SLC5A11: variants seen among roughly 807,000 people sequenced by gnomAD.
SLC5A11 encodes sodium/myo-inositol cotransporter 2.
A neutral mutation model predicts 69.8 loss-of-function variants in SLC5A11; 48 were observed. That is an observed-to-expected ratio of 0.69 (90% confidence interval 0.55 to 0.87). SLC5A11 has a LOEUF of 0.87. SLC5A11 is among the 40% of genes least tolerant of loss of function. SLC5A11 has a pLI of 0.00. For synonymous variants in SLC5A11, 319 were observed against 342.4 expected (o/e 0.93, Z 0.75); for missense variants, 784 against 866.1 (o/e 0.91, Z 1.19).
intron 13 of SLC5A11, 128 bp from the exon 15 acceptor site, chr16:24,908,753 T>C: frequency 1.4e-6 from 1 of 727,774 alleles, no homozygotes; most frequent in Admixed American, 2.9e-5. Flanking sequence ...TTGCAGAACC[T>C]TTTCAAATTG....
At chr16:24,849,593 AATATATATAT>A (rs1555515955) in intron 1 of SLC5A11, among the ~76,000 whole-genome samples, 13 of 35,898 alleles carry the variant, frequency 3.6e-4, no homozygotes, top group South Asian at 1.2e-3. Flanking sequence ...AAAAAAAAAA[AATATATATAT>A]ATATATATAT....
chr16:24,855,434 CAAAAAA>C (rs143252263), intron 1 of SLC5A11, among the ~76,000 whole-genome samples: 8 of 90,114 alleles, frequency 8.9e-5, no homozygotes, highest in African/African-American at 2.8e-4. Context: ...TTCATCTCTA[CAAAAAA>C]AAAAAAAAAA....
intron 1 of SLC5A11, among the ~76,000 whole-genome samples, chr16:24,851,514 C>T (rs2059306089): frequency 6.6e-6 from 1 of 151,992 alleles, no homozygotes; most frequent in South Asian, 2.1e-4. Flanking sequence ...CACTGCACTA[C>T]AGTCTGGGGG....
Position 24,872,225 on chromosome 16 carries a change from T to A in SLC5A11, c.372+6T>A. On this transcript the variant is annotated splice_donor_region_variant and intron_variant, in intron 5 of 15. Transcript: ENST00000347898. Reference sequence around the variant, plus strand: ...CCATCTACATTGCTGGTCAGGTGAGTCGGGGGACATTGGGATGCTGTAGAA... The same window carrying A: ...CCATCTACATTGCTGGTCAGGTGAGACGGGGGACATTGGGATGCTGTAGAA... 1 of 1,614,030 alleles carries A rather than the reference T, an allele frequency of 6.2e-7. No homozygotes were observed. Among genetic ancestry groups the A allele is most frequent in the South Asian group, 1.1e-5 (1 of 91,076 alleles).
chr16:24,855,345 T>C (rs886799066), intron 1 of SLC5A11, among the ~76,000 whole-genome samples: 3 of 149,566 alleles, frequency 2.0e-5, no homozygotes, highest in Admixed American at 6.8e-5. Context: ...CTCATGCTTA[T>C]AATCCCAGCA....
At chr16:24,874,560 C>T (rs1016306203) in intron 5 of SLC5A11, among the ~76,000 whole-genome samples, 1 of 152,024 alleles carries the variant, frequency 6.6e-6, no homozygotes, top group Admixed American at 6.6e-5. Flanking sequence ...TATCTCACTG[C>T]TTTTTAAAAT....
chr16:24,864,280 A>G (rs2046781823), intron 3 of SLC5A11, among the ~76,000 whole-genome samples: 1 of 152,224 alleles, frequency 6.6e-6, no homozygotes, highest in Non-Finnish European at 1.5e-5. Context: ...AGGCTAAGGC[A>G]GAGTTATAAG....
At chr16:24,872,208 A>G (rs1326255573) in exon 5 of SLC5A11, 8 of 1,614,034 alleles carry the variant, frequency 5.0e-6, no homozygotes, top group Admixed American at 3.3e-5. Context: ...ACCCATCTAC[A>G]TTGCTGGTCA....
intron 3 of SLC5A11, among the ~76,000 whole-genome samples, chr16:24,863,515 G>A (rs2046731202): frequency 6.6e-6 from 1 of 151,938 alleles, no homozygotes; most frequent in South Asian, 2.1e-4. Flanking sequence ...ACATTCTGTT[G>A]GTTAAAGTAA....
At chr16:24,889,985 T>C (rs1170126687) in intron 8 of SLC5A11, among the ~76,000 whole-genome samples, 1 of 152,108 alleles carries the variant, frequency 6.6e-6, no homozygotes, top group Non-Finnish European at 1.5e-5. Flanking sequence ...GAAGCAATTG[T>C]AGGAGCGAAG....
chr16:24,911,301 G>C (rs201469748), intron 15 of SLC5A11, 27 bp from the exon 17 acceptor site: 413 of 1,611,462 alleles, frequency 2.6e-4, no homozygotes, highest in Non-Finnish European at 3.3e-4. Context: ...CCACCTCTAC[G>C]GTCTTCCTTT....
rs1413246398 is a variant in SLC5A11 at position 24,865,118 on chromosome 16, T to G, written c.207+2446T>G. On this transcript the variant is annotated intron_variant, in intron 3 of 15. Transcript: ENST00000347898. ...ATAGTGGTTTAAAATTGACTAAATT[T>G]TATTAACAATATTAATCTACACATC... Among the ~76,000 whole-genome samples the G allele has an allele frequency of 4.6e-5, 7 of 152,014 alleles. No individual in the cohort carries two copies. The South Asian group carries it at 1.5e-3, about 32-fold the overall frequency.
intron 3 of SLC5A11, among the ~76,000 whole-genome samples, chr16:24,868,287 C>CAAA (rs374049168): frequency 2.3e-5 from 3 of 129,122 alleles, no homozygotes; most frequent in Non-Finnish European, 5.0e-5. Flanking sequence ...CAGATTCTTC[C>CAAA]AAAAAAAAAA....
chr16:24,900,741 G>C (rs139273775), intron 10 of SLC5A11, among the ~76,000 whole-genome samples: 1 of 151,766 alleles, frequency 6.6e-6, no homozygotes, highest in South Asian at 2.1e-4. Context: ...TACCAGACCC[G>C]CTCTCTACCA....
intron 8 of SLC5A11, 71 bp from the exon 10 acceptor site, chr16:24,890,797 TC>T: frequency 6.9e-7 from 1 of 1,443,852 alleles, no homozygotes; most frequent in Non-Finnish European, 9.7e-7. Context: ...TTCACCAGTC[TC>T]CAGCCATCTC....
At chr16:24,883,913 T>G in intron 7 of SLC5A11, 138 bp from the exon 9 acceptor site, 1 of 692,684 alleles carries the variant, frequency 1.4e-6, no homozygotes, top group Non-Finnish European at 2.5e-6. Context: ...CAGGGAGGAG[T>G]GATCGTGGCC....
rs1555535430 is a variant in SLC5A11, at chr16:24,907,706, C to CG, written c.1266-257_1266-256insG. On this transcript the variant is annotated intron_variant, in intron 12 of 15. Transcript: ENST00000347898. ...TGGGTGACAGAGTGAGACTCTGTCT[C>CG]AAAAAAAAAAATTAAAATAATAAAA... 6.2e-5 allele frequency among the ~76,000 whole-genome samples: 9 copies of CG among 145,564 alleles called. 1 individual carries two copies. Among genetic ancestry groups the CG allele is most frequent in the Admixed American group, 4.8e-4 (7 of 14,646 alleles).
At chr16:24,899,459 A>G (rs1447222728) in intron 10 of SLC5A11, among the ~76,000 whole-genome samples, 3 of 151,502 alleles carry the variant, frequency 2.0e-5, no homozygotes, top group South Asian at 2.1e-4. Context: ...GCTGGAGTGC[A>G]GTGGCACAAT....
At chr16:24,853,006 G>A (rs1166198225) in intron 1 of SLC5A11, among the ~76,000 whole-genome samples, 3 of 151,630 alleles carry the variant, frequency 2.0e-5, no homozygotes, top group African/African-American at 7.3e-5. Flanking sequence ...AGTCCCCAGG[G>A]TCTAGCACAG....
Sources: gnomAD v4.1 joint callset for allele counts (sites outside exome capture counted in the v4.1 genomes callset) on GRCh38, gnomAD v4.1.1 for gene constraint, MANE v1.5 for transcripts, NCBI Gene and HGNC (gene_info 2026-07-23, HGNC 2026-07-21) for gene names.